Variants in CLVS1 observed in about 807,000 individuals in gnomAD.
The protein encoded by CLVS1 is clavesin-1.
A neutral mutation model predicts 33.1 loss-of-function variants in CLVS1; 10 were observed. The observed-to-expected ratio is 0.30, with a 90% CI of 0.19 to 0.51. The LOEUF (loss-of-function observed/expected upper bound fraction) is 0.51, where lower values mean the gene tolerates loss of function less well. Among genes scored for constraint, CLVS1 ranks in the 20% least tolerant of loss-of-function variants. CLVS1 has a pLI of 0.97. For synonymous variants in CLVS1, 163 were observed against 166.1 expected, an observed-to-expected ratio of 0.98 and a Z score of 0.14; for missense variants, 343 against 433.4, an observed-to-expected ratio of 0.79 and a Z score of 1.85.
At chr8:61,229,893 T>A (rs1022675525) in intron 2 of CLVS1, among the ~76,000 whole-genome samples, 1 of 151,890 alleles carries the variant, frequency 6.6e-6, no homozygotes, top group Non-Finnish European at 1.5e-5. Context: ...TCCCAAAGAG[T>A]GGGATTACAG....
chr8:60,966,401 C>G, the CLVS1 span: 16 of 455,998 alleles, frequency 3.5e-5, no homozygotes, highest in Non-Finnish European at 1.3e-5. Context: ...CAGCTGTGGT[C>G]CCAGTGCTGC....
intron 2 of CLVS1, among the ~76,000 whole-genome samples, chr8:61,199,288 G>A (rs570770970): frequency 6.6e-6 from 1 of 152,252 alleles, no homozygotes; most frequent in East Asian, 1.9e-4. Flanking sequence ...GCTCTGCACA[G>A]CAGAAGAAAT....
chr8:61,402,307 T>C (rs1814801460), intron 3 of CLVS1, among the ~76,000 whole-genome samples: 1 of 152,084 alleles, frequency 6.6e-6, no homozygotes, highest in Non-Finnish European at 1.5e-5. Context: ...AAGCTAGAGT[T>C]CTCACAGAAC....
intron 1 of CLVS1, among the ~76,000 whole-genome samples, chr8:61,082,911 C>T (rs1399134650): frequency 6.6e-6 from 1 of 152,002 alleles, no homozygotes; most frequent in Admixed American, 6.6e-5. Context: ...GTTGCACATG[C>T]CTGTAGTCTC....
chr8:61,351,000 G>A (rs1008518493), intron 2 of CLVS1, among the ~76,000 whole-genome samples: 1 of 152,118 alleles, frequency 6.6e-6, no homozygotes, highest in African/African-American at 2.4e-5. Context: ...GGTTGTAACC[G>A]TGCTTGGTCA....
intron 2 of CLVS1, among the ~76,000 whole-genome samples, chr8:61,169,563 C>T (rs962778136): frequency 2.0e-5 from 3 of 152,172 alleles, no homozygotes; most frequent in African/African-American, 7.2e-5. Context: ...CATAATAAGA[C>T]AACCTTTGTT....
At chr8:61,396,916 AC>A (rs1411904331) in intron 3 of CLVS1, among the ~76,000 whole-genome samples, 11 of 152,068 alleles carry the variant, frequency 7.2e-5, no homozygotes, top group Admixed American at 6.6e-4. Context: ...TCTATACCAA[AC>A]TTTTTTATTC....
At chr8:61,442,799 C>T (rs995739592) in intron 3 of CLVS1, among the ~76,000 whole-genome samples, 11 of 152,122 alleles carry the variant, frequency 7.2e-5, no homozygotes, top group Non-Finnish European at 1.6e-4. Context: ...GGGGTTTCAC[C>T]ATATTGGCCA....
chr8:61,267,280 A>ATTT (rs1258158843), intron 2 of CLVS1, among the ~76,000 whole-genome samples: 1 of 151,942 alleles, frequency 6.6e-6, no homozygotes. Context: ...TATTATTATT[A>ATTT]TTTTTTAAGT....
At chr8:61,107,164 G>T (rs1805552155) in intron 1 of CLVS1, among the ~76,000 whole-genome samples, 1 of 152,186 alleles carries the variant, frequency 6.6e-6, no homozygotes, top group Admixed American at 6.5e-5. Context: ...GAAACTATAA[G>T]GATTGGTTTG....
At chr8:61,453,525 C>T (rs1431899748) in intron 3 of CLVS1, among the ~76,000 whole-genome samples, 1 of 152,152 alleles carries the variant, frequency 6.6e-6, no homozygotes, top group Non-Finnish European at 1.5e-5. Flanking sequence ...TATCTTTTCC[C>T]TAGGATCTAC....
chr8:60,987,176 G>A, the CLVS1 span, among the ~76,000 whole-genome samples: 2 of 152,216 alleles, frequency 1.3e-5, no homozygotes, highest in Non-Finnish European at 2.9e-5. Flanking sequence ...CAGGGTACTG[G>A]AGGAGCCGGG....
chr8:61,200,770 T>C (rs984058982), intron 2 of CLVS1, among the ~76,000 whole-genome samples: 19 of 152,356 alleles, frequency 1.2e-4, no homozygotes, highest in Admixed American at 1.0e-3. Context: ...TTAAGCTTTG[T>C]CAATTCAATA....
At chr8:61,044,399 A>C in the CLVS1 span, among the ~76,000 whole-genome samples, 1 of 152,186 alleles carries the variant, frequency 6.6e-6, no homozygotes, top group Admixed American at 6.5e-5. Flanking sequence ...AGCCCCACCA[A>C]GATATGAGGT....
rs191364158 is a variant in CLVS1 at position 61,193,614 on chromosome 8, G to A, written c.-152+61754G>A. 2.0e-5 allele frequency among the ~76,000 whole-genome samples: 3 copies of A among 152,128 alleles called. No individual in the cohort carries two copies. In the East Asian group the frequency reaches 5.8e-4, roughly 29 times the overall value. On this transcript the variant is annotated intron_variant, in intron 2 of 2. Coordinates refer to the CLVS1 transcript ENST00000522621. ...GACGAGGAAATGTTTTCAGTGTACT[G>A]TAAGAAAACAACCGCCAACTAAAAT... is the stretch of plus-strand genomic sequence containing the variant.
intron 1 of CLVS1, among the ~76,000 whole-genome samples, chr8:61,099,208 G>A (rs549319889): frequency 2.0e-5 from 3 of 152,214 alleles, no homozygotes; most frequent in East Asian, 3.9e-4. Context: ...CGTCATTGTC[G>A]TTTTAGTGGA....
the CLVS1 span, among the ~76,000 whole-genome samples, chr8:61,045,611 C>T: frequency 1.3e-5 from 2 of 152,166 alleles, no homozygotes; most frequent in South Asian, 2.1e-4. Flanking sequence ...AGAACTAATG[C>T]CATTGTAGCT....
At chr8:61,059,819 AAAAT>A (rs1257818975) in intron 1 of CLVS1, among the ~76,000 whole-genome samples, 1 of 151,900 alleles carries the variant, frequency 6.6e-6, no homozygotes, top group East Asian at 1.9e-4. Flanking sequence ...TCAAAAAAAA[AAAAT>A]AGTGAACGTA....
chr8:61,195,301 A>G (rs1035634364), intron 2 of CLVS1, among the ~76,000 whole-genome samples: 5 of 150,940 alleles, frequency 3.3e-5, no homozygotes, highest in Admixed American at 1.3e-4. Context: ...AGATTGGGGG[A>G]GAGAGAGAGA....
Sources: gnomAD v4.1 joint callset for allele counts (sites outside exome capture counted in the v4.1 genomes callset) on GRCh38, gnomAD v4.1.1 for gene constraint, MANE v1.5 for transcripts, NCBI Gene and HGNC (gene_info 2026-07-23, HGNC 2026-07-21) for gene names.